TCERG1L: variants seen among roughly 807,000 people sequenced by gnomAD.
TCERG1L encodes transcription elongation regulator 1 like.
In TCERG1L, 37 loss-of-function variants were observed where a neutral mutation model predicts 56.3. The observed-to-expected ratio is 0.66, with a 90% CI of 0.51 to 0.87. The LOEUF (loss-of-function observed/expected upper bound fraction) is 0.87. TCERG1L is among the 40% of genes least tolerant of loss of function. TCERG1L has a pLI of 0.00. For missense variants in TCERG1L, 799 were observed against 774.2 expected, an observed-to-expected ratio of 1.03 and a Z score of -0.38; for synonymous variants, 324 against 326.3, an observed-to-expected ratio of 0.99 and a Z score of 0.08.
chr10:131,129,036 G>A (rs984599167), intron 8 of TCERG1L, among the ~76,000 whole-genome samples: 4 of 152,108 alleles, frequency 2.6e-5, no homozygotes, highest in African/African-American at 7.2e-5. Context: ...TCCAAATGAT[G>A]GGAAATGCAA....
intron 4 of TCERG1L, among the ~76,000 whole-genome samples, chr10:131,256,989 GAAGGAAAGA>G (rs1846172662): frequency 2.8e-5 from 2 of 70,276 alleles, no homozygotes; most frequent in South Asian, 4.6e-4. Context: ...AGGAAGGAAG[GAAGGAAAGA>G]AAGAAAGAAA....
chr10:131,220,960 G>A (rs1187735395), intron 4 of TCERG1L, among the ~76,000 whole-genome samples: 2 of 152,180 alleles, frequency 1.3e-5, no homozygotes, highest in African/African-American at 2.4e-5. Flanking sequence ...CTGCGGTGTG[G>A]TCACTGAGGC....
chr10:131,201,186 C>T (rs1307827258), intron 4 of TCERG1L, among the ~76,000 whole-genome samples: 1 of 152,216 alleles, frequency 6.6e-6, no homozygotes, highest in African/African-American at 2.4e-5. Context: ...CCACCACCCG[C>T]ATAGCTGGCT....
intron 8 of TCERG1L, among the ~76,000 whole-genome samples, chr10:131,133,484 G>C (rs1345937923): frequency 6.6e-6 from 1 of 152,090 alleles, no homozygotes; most frequent in Admixed American, 6.5e-5. Flanking sequence ...CAGGACCCAG[G>C]GTCCAGCGGA....
chr10:131,191,884 A>G (rs1247266807), intron 4 of TCERG1L, among the ~76,000 whole-genome samples: 1 of 137,040 alleles, frequency 7.3e-6, no homozygotes, highest in African/African-American at 2.8e-5. Context: ...AAAAAAAAAA[A>G]AAAAAGAAAA....
chr10:131,297,107 C>T (rs1168980488), intron 3 of TCERG1L, among the ~76,000 whole-genome samples: 3 of 152,058 alleles, frequency 2.0e-5, no homozygotes, highest in African/African-American at 7.3e-5. Context: ...ATAACTAGGG[C>T]TCCCGTCACA....
chr10:131,261,611 T>C (rs1377950195), intron 3 of TCERG1L, among the ~76,000 whole-genome samples: 2 of 152,332 alleles, frequency 1.3e-5, no homozygotes, highest in Non-Finnish European at 1.5e-5. Context: ...GTTCCTGCAA[T>C]GTATCGTCAT....
chr10:131,158,402 A>G (rs1360782818), intron 6 of TCERG1L, among the ~76,000 whole-genome samples: 6 of 152,182 alleles, frequency 3.9e-5, no homozygotes, highest in Non-Finnish European at 8.8e-5. Context: ...CAAACACTCC[A>G]TTTCTTAGCC....
chr10:131,118,277 T>A lies in TCERG1L; in HGVS notation c.1260-1343A>T, dbSNP rs1845480221. 6.6e-6 allele frequency among the ~76,000 whole-genome samples: 1 copy of A among 152,204 alleles called. No homozygotes were observed. The highest frequency in any genetic ancestry group is 1.5e-5 in the Non-Finnish European group (1 of 68,040). On this transcript the variant is annotated intron_variant, in intron 8 of 11. Transcript: ENST00000368642. This position sits in a 1 kb window ranked among gnomAD's most constrained non-coding sequence, Gnocchi z 4.2. ...TGCTCGGAGATGTAGGAATGGCATG[T>A]ACATCTAAAGGCATGGGCCTTACCC...
At chr10:131,125,555 A>G (rs1376357426) in intron 8 of TCERG1L, among the ~76,000 whole-genome samples, 4 of 152,174 alleles carry the variant, frequency 2.6e-5, no homozygotes, top group African/African-American at 9.7e-5. Flanking sequence ...ACTTTGAAAG[A>G]TCTGTATTCT....
intron 4 of TCERG1L, among the ~76,000 whole-genome samples, chr10:131,213,351 T>C (rs1380866854): frequency 6.6e-6 from 1 of 152,222 alleles, no homozygotes. Context: ...TTCCTGGAAA[T>C]GTCTATGGAA....
chr10:131,227,629 C>T (rs925198443), intron 4 of TCERG1L, among the ~76,000 whole-genome samples: 35 of 152,322 alleles, frequency 2.3e-4, no homozygotes, highest in Non-Finnish European at 1.6e-4. Flanking sequence ...ATGGGGCAAC[C>T]GTCAGCTCAG....
intron 9 of TCERG1L, among the ~76,000 whole-genome samples, chr10:131,110,634 C>T (rs965456542): frequency 6.6e-6 from 1 of 152,224 alleles, no homozygotes; most frequent in Non-Finnish European, 1.5e-5. Context: ...CCCGGGAAGG[C>T]AGCCAAGACC....
chr10:131,214,576 G>A (rs984751703), intron 4 of TCERG1L, among the ~76,000 whole-genome samples: 3 of 152,298 alleles, frequency 2.0e-5, no homozygotes, highest in East Asian at 1.9e-4. Context: ...CTTCTCCTGC[G>A]TTTCAGCTGC....
chr10:131,130,757 A>G (rs1458958047), intron 8 of TCERG1L, among the ~76,000 whole-genome samples: 1 of 152,116 alleles, frequency 6.6e-6, no homozygotes, highest in Admixed American at 6.5e-5. Context: ...CCTTGTGGAG[A>G]AAGTACTGAG....
chr10:131,187,045 C>T (rs1845251932), intron 4 of TCERG1L, among the ~76,000 whole-genome samples: 1 of 152,202 alleles, frequency 6.6e-6, no homozygotes, highest in Non-Finnish European at 1.5e-5. Flanking sequence ...TTCCAGCCCA[C>T]TCTCTCACCC....
rs568720278 is a variant in TCERG1L at position 131,111,702 on chromosome 10, G to A, written c.1395+5097C>T. 8.5e-4 allele frequency among the ~76,000 whole-genome samples: 121 copies of A among 143,062 alleles called. 11 individuals carry two copies. Among genetic ancestry groups the A allele is most frequent in the African/African-American group, 3.0e-3 (120 of 40,628 alleles). 93.9% of individuals were successfully genotyped at this position (143,062 alleles called of 152,430 possible). On this transcript the variant is annotated intron_variant, in intron 9 of 11. Coordinates refer to ENST00000368642, the MANE Select transcript of TCERG1L (RefSeq NM_174937.4). ...CCCTCGTCCACGCCCCGTGGGCAGAGGACAGGCTGCGATTAGTTATCTTGG... is the reference window on the plus strand; with the variant it reads ...CCCTCGTCCACGCCCCGTGGGCAGAAGACAGGCTGCGATTAGTTATCTTGG...
At chr10:131,128,588 T>C (rs1398979038) in intron 8 of TCERG1L, among the ~76,000 whole-genome samples, 10 of 152,194 alleles carry the variant, frequency 6.6e-5, no homozygotes, top group Admixed American at 5.9e-4. Flanking sequence ...GGGGAACCGA[T>C]GCAGTATTTT....
chr10:131,216,496 T>C (rs10829950), intron 4 of TCERG1L, among the ~76,000 whole-genome samples: 37,654 of 152,088 alleles, frequency 0.25, 4,780 homozygotes, highest in Middle Eastern at 0.29. Context: ...GGAAACTCTA[T>C]AGTAGATTTT....
Sources: allele counts gnomAD v4.1 joint callset (sites outside exome capture counted in the v4.1 genomes callset), GRCh38; gene constraint gnomAD v4.1.1; non-coding constraint Gnocchi (gnomAD v3.1); transcripts MANE v1.5; gene names NCBI Gene and HGNC (gene_info 2026-07-23, HGNC 2026-07-21).